Variants in FRMD4A observed in about 807,000 individuals in gnomAD.
The protein encoded by FRMD4A is FERM domain containing 4A.
FRMD4A carries 29 observed loss-of-function variants against 129.1 expected under a neutral mutation model. The ratio of observed to expected loss-of-function variants is 0.22; its 90% CI spans 0.17 to 0.31. FRMD4A has a LOEUF of 0.31. Ranked by LOEUF, FRMD4A falls within the 10% of genes least tolerant of loss-of-function variation. The pLI, the probability that FRMD4A is intolerant of heterozygous loss-of-function variation, is 1.00. For synonymous variants in FRMD4A, 634 were observed against 571.6 expected, an observed-to-expected ratio of 1.11 and a Z score of -1.56; for missense variants, 1,272 against 1,375.8, an observed-to-expected ratio of 0.92 and a Z score of 1.19.
intron 2 of FRMD4A, among the ~76,000 whole-genome samples, chr10:13,970,889 C>CA (rs779104171): frequency 1.2e-4 from 19 of 152,198 alleles, no homozygotes; most frequent in Admixed American, 3.3e-4. Flanking sequence ...TCAGAAGTGC[C>CA]ACTCTCCCTC....
At chr10:14,323,576 C>G (rs566581793) in intron 2 of FRMD4A, among the ~76,000 whole-genome samples, 44 of 12,514 alleles carry the variant, frequency 3.5e-3, no homozygotes, top group Middle Eastern at 0.059. Context: ...TAATGGGTAT[C>G]TATCCTTTTT....
intron 2 of FRMD4A, among the ~76,000 whole-genome samples, chr10:14,256,961 T>C (rs1844635568): frequency 6.6e-6 from 1 of 152,150 alleles, no homozygotes; most frequent in Non-Finnish European, 1.5e-5. Flanking sequence ...AAGAAAGGGA[T>C]ATTGTTTATT....
At chr10:13,794,334 G>A (rs1156355521) in intron 5 of FRMD4A, among the ~76,000 whole-genome samples, 1 of 145,578 alleles carries the variant, frequency 6.9e-6, no homozygotes, top group Non-Finnish European at 1.5e-5. Context: ...GGAGGTCGCA[G>A]TGAGCCGAGA....
chr10:14,250,152 G>C (rs1013882131), intron 2 of FRMD4A, among the ~76,000 whole-genome samples: 2 of 152,064 alleles, frequency 1.3e-5, no homozygotes, highest in African/African-American at 4.8e-5. Context: ...GTAGAGATGG[G>C]GTTTCACTAT....
chr10:13,822,284 C>T (rs1245598557), intron 3 of FRMD4A, among the ~76,000 whole-genome samples: 1 of 152,180 alleles, frequency 6.6e-6, no homozygotes, highest in African/African-American at 2.4e-5. Context: ...ACAATAACCA[C>T]GATGTACAAT....
At chr10:13,726,322 T>C (rs200507359) in intron 12 of FRMD4A, among the ~76,000 whole-genome samples, 1 of 152,162 alleles carries the variant, frequency 6.6e-6, no homozygotes, top group East Asian at 1.9e-4. Context: ...ACTTCTGTTT[T>C]GGGTCTTGGA....
intron 2 of FRMD4A, among the ~76,000 whole-genome samples, chr10:14,187,609 G>A (rs1206904114): frequency 6.6e-6 from 1 of 152,126 alleles, no homozygotes; most frequent in African/African-American, 2.4e-5. Flanking sequence ...GTGAGACCCC[G>A]TCCCTACGAA....
chr10:14,328,369 TGGG>T lies in FRMD4A; in HGVS notation c.45+1686_45+1688del, dbSNP rs35809656. Among the ~76,000 whole-genome samples, 98 of 91,218 alleles carry T rather than the reference TGGG, an allele frequency of 1.1e-3. 1 individual carries two copies. The highest frequency in any genetic ancestry group is 3.8e-3 in the Admixed American group (36 of 9,586). 59.8% of individuals were successfully genotyped at this position (91,218 alleles called of 152,430 possible). A position where few individuals can be genotyped will look rare whatever the true frequency, so the allele number is the denominator to read the frequency against. ...AGAAGAGCCTGTGTGTGTGTGTGGG[TGGG>T]GGGGGGGGGTGTATAACAGCAGAAA... On this transcript the variant is annotated intron_variant, in intron 2 of 24. Transcript: ENST00000357447.
intron 2 of FRMD4A, among the ~76,000 whole-genome samples, chr10:14,175,211 T>C (rs1451676554): frequency 6.6e-6 from 1 of 152,190 alleles, no homozygotes; most frequent in Non-Finnish European, 1.5e-5. Flanking sequence ...GCATCATATA[T>C]GTGACACATG....
intron 2 of FRMD4A, among the ~76,000 whole-genome samples, chr10:14,108,495 T>C (rs377317643): frequency 8.5e-5 from 13 of 152,198 alleles, no homozygotes; most frequent in African/African-American, 3.1e-4. Flanking sequence ...TGGGTCTGAA[T>C]TGGAATGTTG....
intron 2 of FRMD4A, among the ~76,000 whole-genome samples, chr10:14,064,522 C>T (rs897364702): frequency 6.6e-6 from 1 of 152,196 alleles, no homozygotes; most frequent in Non-Finnish European, 1.5e-5. Flanking sequence ...AGGCTCTATG[C>T]TGATTCTCAT....
At chr10:14,263,438 T>C (rs1844873197) in intron 2 of FRMD4A, among the ~76,000 whole-genome samples, 1 of 152,202 alleles carries the variant, frequency 6.6e-6, no homozygotes, top group Admixed American at 6.5e-5. Context: ...GAACTGTTTT[T>C]TTAATTTCAA....
chr10:13,916,468 G>T (rs1395721199), intron 2 of FRMD4A, among the ~76,000 whole-genome samples: 1 of 152,202 alleles, frequency 6.6e-6, no homozygotes, highest in African/African-American at 2.4e-5. Context: ...CTAGTGTGTA[G>T]TAATAGTGCC....
At chr10:14,204,162 G>A (rs991317013) in intron 2 of FRMD4A, among the ~76,000 whole-genome samples, 3 of 152,124 alleles carry the variant, frequency 2.0e-5, no homozygotes, top group Admixed American at 6.6e-5. Context: ...GGTGGCTCAT[G>A]CCTGTAATCC....
chr10:14,033,496 T>C (rs1013675805), intron 2 of FRMD4A, among the ~76,000 whole-genome samples: 1 of 150,836 alleles, frequency 6.6e-6, no homozygotes, highest in Non-Finnish European at 1.5e-5. Context: ...ATAAAGAAAA[T>C]GTGATAGGCC....
At chr10:13,734,374 T>C (rs1197832605) in intron 12 of FRMD4A, among the ~76,000 whole-genome samples, 2 of 152,158 alleles carry the variant, frequency 1.3e-5, no homozygotes, top group Admixed American at 6.5e-5. Flanking sequence ...CAGCTTCAAA[T>C]AGACCGCGGC....
intron 2 of FRMD4A, among the ~76,000 whole-genome samples, chr10:13,962,977 T>C (rs2095455862): frequency 6.6e-6 from 1 of 152,234 alleles, no homozygotes; most frequent in Admixed American, 6.5e-5. Context: ...TGTTAGGTTG[T>C]TTGCAAATAC....
chr10:14,308,337 A>C (rs1200539828), intron 2 of FRMD4A, among the ~76,000 whole-genome samples: 1 of 152,228 alleles, frequency 6.6e-6, no homozygotes, highest in Non-Finnish European at 1.5e-5. Context: ...TTGCACAAAG[A>C]AAATTTACAT....
intron 15 of FRMD4A, 40 bp from the exon 16 acceptor site, chr10:13,675,084 G>A (rs1206313396): frequency 1.9e-6 from 3 of 1,586,652 alleles, no homozygotes; most frequent in South Asian, 2.2e-5. Context: ...AGCTGACAGG[G>A]GACACACATC....
Sources: allele counts gnomAD v4.1 joint callset (sites outside exome capture counted in the v4.1 genomes callset), GRCh38; gene constraint gnomAD v4.1.1; transcripts MANE v1.5; gene names NCBI Gene and HGNC (gene_info 2026-07-23, HGNC 2026-07-21).